ERC2: variants seen among roughly 807,000 people sequenced by gnomAD.
The protein encoded by ERC2 is ELKS/RAB6-interacting/CAST family member 2.
In ERC2, 42 loss-of-function variants were observed where a neutral mutation model predicts 114.8. The ratio of observed to expected loss-of-function variants is 0.37; its 90% CI spans 0.29 to 0.47. ERC2 has a LOEUF of 0.47. Ranked by LOEUF, ERC2 falls within the 20% of genes least tolerant of loss-of-function variation. The pLI is 0.99. For synonymous variants in ERC2, 454 were observed against 425.5 expected, an observed-to-expected ratio of 1.07 and a Z score of -0.82; for missense variants, 939 against 1,150.7, an observed-to-expected ratio of 0.82 and a Z score of 2.66.
At chr3:55,629,436 A>T (rs2059655000) in intron 17 of ERC2, among the ~76,000 whole-genome samples, 1 of 152,272 alleles carries the variant, frequency 6.6e-6, no homozygotes, top group African/African-American at 2.4e-5. Flanking sequence ...TGTTAGGTAA[A>T]GTTAGCTTAT....
At chr3:55,521,183 G>A (rs771555650) in intron 17 of ERC2, among the ~76,000 whole-genome samples, 14 of 152,220 alleles carry the variant, frequency 9.2e-5, no homozygotes, top group Non-Finnish European at 1.9e-4. Flanking sequence ...AAGGTTTTGC[G>A]ATTCCTGCTT....
chr3:56,158,861 A>T (rs2081893852), intron 4 of ERC2, among the ~76,000 whole-genome samples: 2 of 151,996 alleles, frequency 1.3e-5, no homozygotes, highest in Non-Finnish European at 2.9e-5. Flanking sequence ...AAAAAAGCAC[A>T]TTATTGAAAA....
intron 5 of ERC2, among the ~76,000 whole-genome samples, chr3:56,140,806 A>T (rs1385669044): frequency 6.6e-6 from 1 of 152,158 alleles, no homozygotes; most frequent in Non-Finnish European, 1.5e-5. Flanking sequence ...CAGGCAGATC[A>T]CAAGGTCAGG....
At chr3:55,594,836 A>G (rs1295729146) in intron 17 of ERC2, among the ~76,000 whole-genome samples, 1 of 152,024 alleles carries the variant, frequency 6.6e-6, no homozygotes, top group Admixed American at 6.6e-5. Context: ...TGATTACATG[A>G]TAACCTTTCT....
At chr3:55,848,761 AG>A (rs2061463243) in intron 14 of ERC2, among the ~76,000 whole-genome samples, 1 of 152,226 alleles carries the variant, frequency 6.6e-6, no homozygotes, top group Admixed American at 6.5e-5. Flanking sequence ...TCCAAGATTC[AG>A]ATCAAACTGA....
At chr3:55,808,738 T>TAA (rs2059595949) in intron 14 of ERC2, among the ~76,000 whole-genome samples, 1 of 86,640 alleles carries the variant, frequency 1.2e-5, no homozygotes, top group South Asian at 3.6e-4. Context: ...TATATATATA[T>TAA]ATATAACGTA....
At chr3:56,057,319 A>G (rs1228102841) in intron 7 of ERC2, among the ~76,000 whole-genome samples, 3 of 152,176 alleles carry the variant, frequency 2.0e-5, no homozygotes, top group East Asian at 1.9e-4. Flanking sequence ...AAAATTTTGT[A>G]CCTATTAAAT....
intron 14 of ERC2, among the ~76,000 whole-genome samples, chr3:55,811,027 G>A (rs187184072): frequency 1.3e-4 from 20 of 152,290 alleles, no homozygotes; most frequent in African/African-American, 4.6e-4. Flanking sequence ...GTGCTGTTCA[G>A]AGCTGTCAGA....
rs59535876 is a variant in ERC2 at position 55,959,446 on chromosome 3, T to C, written c.2268-8886A>G. Among the ~76,000 whole-genome samples the C allele has an allele frequency of 7.9e-3, 1,199 of 152,292 alleles. 8 individuals carry two copies. The highest frequency in any genetic ancestry group is 0.031 in the Middle Eastern group (9 of 294). ...GGAGAGCAGAGAGATCCTGGGTGACTGCAGATGCCCTCCTACCCCTCCTGA... is the reference window on the plus strand; with the variant it reads ...GGAGAGCAGAGAGATCCTGGGTGACCGCAGATGCCCTCCTACCCCTCCTGA... On this transcript the variant is annotated intron_variant, in intron 12 of 17. Transcript: ENST00000288221.
intron 3 of ERC2, among the ~76,000 whole-genome samples, chr3:56,235,217 T>C (rs551878095): frequency 6.6e-6 from 1 of 152,284 alleles, no homozygotes; most frequent in Non-Finnish European, 1.5e-5. Flanking sequence ...ACTGAATACC[T>C]ACTCAATTCC....
intron 13 of ERC2, among the ~76,000 whole-genome samples, chr3:55,914,333 A>G: frequency 6.6e-6 from 1 of 152,152 alleles, no homozygotes; most frequent in East Asian, 1.9e-4. Flanking sequence ...TAGGGGCTGG[A>G]GACTGGGTCT....
At chr3:56,324,400 A>G (rs936663447) in intron 2 of ERC2, among the ~76,000 whole-genome samples, 1 of 152,192 alleles carries the variant, frequency 6.6e-6, no homozygotes, top group Non-Finnish European at 1.5e-5. Flanking sequence ...CGTAAGTTGA[A>G]AATATTAAGT....
chr3:55,747,304 C>A (rs2066368739), intron 14 of ERC2, among the ~76,000 whole-genome samples: 1 of 151,818 alleles, frequency 6.6e-6, no homozygotes, highest in South Asian at 2.1e-4. Context: ...GTTTTAGGTG[C>A]CTGTTTTTTT....
At chr3:55,856,250 C>T (rs2061778747) in intron 14 of ERC2, among the ~76,000 whole-genome samples, 1 of 152,160 alleles carries the variant, frequency 6.6e-6, no homozygotes, top group African/African-American at 2.4e-5. Flanking sequence ...TCCAGTGATA[C>T]TAAGGAACAG....
At chr3:55,936,439 A>T (rs760103116) in intron 13 of ERC2, among the ~76,000 whole-genome samples, 10 of 152,234 alleles carry the variant, frequency 6.6e-5, no homozygotes, top group Non-Finnish European at 1.3e-4. Flanking sequence ...TAAGTATACA[A>T]ATAACTGTAC....
At chr3:56,451,309 T>C (rs6810068) in intron 1 of ERC2, among the ~76,000 whole-genome samples, 3,825 of 152,052 alleles carry the variant, frequency 0.025, 67 homozygotes, top group Middle Eastern at 0.058. Context: ...AGCTTTTTAC[T>C]AGAAAAGAAT....
At chr3:56,329,228 G>A (rs1272333884) in intron 2 of ERC2, among the ~76,000 whole-genome samples, 1 of 152,210 alleles carries the variant, frequency 6.6e-6, no homozygotes, top group Non-Finnish European at 1.5e-5. Context: ...TGTTTTGGAG[G>A]AGGGTTAAGA....
At chr3:56,213,099 G>C (rs2150127241) in intron 3 of ERC2, among the ~76,000 whole-genome samples, 1 of 152,322 alleles carries the variant, frequency 6.6e-6, no homozygotes, top group Middle Eastern at 3.4e-3. Context: ...CAACGCAGAA[G>C]ACGGGTGGTT....
intron 12 of ERC2, among the ~76,000 whole-genome samples, chr3:55,983,380 T>TC: frequency 6.6e-6 from 1 of 152,252 alleles, no homozygotes; most frequent in South Asian, 2.1e-4. Context: ...ACGTAAACCC[T>TC]CCCCCGAGTA....
Sources: gnomAD v4.1 joint callset for allele counts (sites outside exome capture counted in the v4.1 genomes callset) on GRCh38, gnomAD v4.1.1 for gene constraint, MANE v1.5 for transcripts, NCBI Gene and HGNC (gene_info 2026-07-23, HGNC 2026-07-21) for gene names.